Variants in KIAA0513 observed in about 807,000 individuals in gnomAD.
KIAA0513 encodes the protein KIAA0513.
Under a neutral mutation model 56.5 loss-of-function variants are expected in KIAA0513, and 39 were observed. The observed-to-expected ratio is 0.69, with a 90% CI of 0.53 to 0.90. KIAA0513 has a LOEUF of 0.90. Ranked by LOEUF, KIAA0513 falls within the 40% of genes least tolerant of loss-of-function variation. The pLI, the probability that KIAA0513 is intolerant of heterozygous loss-of-function variation, is 0.00. For missense variants in KIAA0513, 591 were observed against 535.2 expected, an observed-to-expected ratio of 1.10 and a Z score of -1.03; for synonymous variants, 268 against 215.6, an observed-to-expected ratio of 1.24 and a Z score of -2.13.
intron 1 of KIAA0513, among the ~76,000 whole-genome samples, chr16:85,028,663 G>C (rs898956164): frequency 6.6e-6 from 1 of 151,836 alleles, no homozygotes; most frequent in East Asian, 1.9e-4. Context: ...TGGGTTGCAG[G>C]TTGATTAGAC....
At chr16:85,051,822 T>G (rs1384070266) in intron 1 of KIAA0513, among the ~76,000 whole-genome samples, 2 of 141,584 alleles carry the variant, frequency 1.4e-5, no homozygotes, top group Non-Finnish European at 3.1e-5. Context: ...CCCTCTCATG[T>G]TTTTTTTTTT....
At chr16:85,028,064 C>T (rs1351302497) in intron 1 of KIAA0513, among the ~76,000 whole-genome samples, 1 of 152,086 alleles carries the variant, frequency 6.6e-6, no homozygotes, top group Non-Finnish European at 1.5e-5. Flanking sequence ...GGGTTCTCCG[C>T]GGGCTCCTCG....
At chr16:85,059,980 A>G (rs949549705) in intron 1 of KIAA0513, among the ~76,000 whole-genome samples, 1 of 152,150 alleles carries the variant, frequency 6.6e-6, no homozygotes, top group Non-Finnish European at 1.5e-5. Flanking sequence ...TTGTTTTTTG[A>G]GACTGAGTCT....
chr16:85,089,779 T>G lies in KIAA0513; in HGVS notation c.*1454T>G, dbSNP rs1278346756. The G allele has an allele frequency of 6.6e-6, 1 of 152,098 alleles. No individual in the cohort carries two copies. The highest frequency in any genetic ancestry group is 1.9e-4 in the East Asian group (1 of 5,152). The allele number at this position is 152,098 out of a possible 1,614,324, so 9.4% of individuals were successfully genotyped here. On this transcript the variant is annotated 3_prime_UTR_variant, in exon 13 of 13. Coordinates refer to ENST00000683363, the MANE Select transcript of KIAA0513 (RefSeq NM_001388359.1). This position sits in a 1 kb window ranked among gnomAD's most constrained non-coding sequence, Gnocchi z 4.2. ...CCGGCCACTGCTTGGAAGGTTTCCC[T>G]CCGGGGAATGCCTCCCTGGAATGTT...
At chr16:85,053,060 G>T (rs1439996464) in intron 1 of KIAA0513, among the ~76,000 whole-genome samples, 2 of 151,862 alleles carry the variant, frequency 1.3e-5, no homozygotes, top group Non-Finnish European at 2.9e-5. Context: ...GCGAATTTTT[G>T]TAGTTTTTAA....
At chr16:85,072,241 G>C (rs1309935385) in intron 3 of KIAA0513, among the ~76,000 whole-genome samples, 1 of 152,122 alleles carries the variant, frequency 6.6e-6, no homozygotes, top group African/African-American at 2.4e-5. Context: ...TAGCTCATTT[G>C]GATGTCGCAC....
intron 2 of KIAA0513, among the ~76,000 whole-genome samples, chr16:85,070,604 GGAGGCA>G (rs1430431072): frequency 1.3e-5 from 2 of 152,218 alleles, no homozygotes; most frequent in African/African-American, 4.8e-5. Flanking sequence ...CTTGAACCCA[GGAGGCA>G]GAGGTTGCAA....
At chr16:85,062,421 A>G (rs1296353989) in intron 1 of KIAA0513, among the ~76,000 whole-genome samples, 1 of 152,216 alleles carries the variant, frequency 6.6e-6, no homozygotes, top group African/African-American at 2.4e-5. Context: ...CATGGGGCCT[A>G]CGATGCGAAT....
At chr16:85,029,448 TCTG>T (rs951720759) in intron 1 of KIAA0513, among the ~76,000 whole-genome samples, 4 of 152,222 alleles carry the variant, frequency 2.6e-5, no homozygotes, top group African/African-American at 9.6e-5. Flanking sequence ...CCTTAAATAA[TCTG>T]CTGCCAAATC....
At chr16:85,034,815 G>A (rs977603812) in intron 1 of KIAA0513, among the ~76,000 whole-genome samples, 3 of 152,172 alleles carry the variant, frequency 2.0e-5, no homozygotes, top group Admixed American at 6.5e-5. Context: ...GGCATAGAGA[G>A]GCAGAGTAAC....
Position 85,049,098 on chromosome 16 carries a change from C to T in KIAA0513, c.-172-17802C>T, listed in dbSNP as rs1192231880. 9.8e-5 allele frequency among the ~76,000 whole-genome samples: 15 copies of T among 152,366 alleles called. No homozygotes were observed. In the South Asian group the frequency reaches 3.1e-3, roughly 32 times the overall value. ...GGCCATGTCCCCTCTGTCTTAGCTC[C>T]CTGCCAAACTGCGTGGGCAGCTACA... On this transcript the variant is annotated intron_variant, in intron 1 of 12. Transcript: ENST00000683363.
At chr16:85,049,981 A>G (rs2073226846) in intron 1 of KIAA0513, among the ~76,000 whole-genome samples, 1 of 152,230 alleles carries the variant, frequency 6.6e-6, no homozygotes, top group African/African-American at 2.4e-5. Context: ...AGTTGAATTC[A>G]GCTGTCCCGG....
At chr16:85,069,293 C>G (rs1387204958) in intron 2 of KIAA0513, among the ~76,000 whole-genome samples, 2 of 151,818 alleles carry the variant, frequency 1.3e-5, no homozygotes, top group African/African-American at 4.8e-5. Context: ...TCACCACAGC[C>G]TCAAACTTCT....
chr16:85,038,122 A>C (rs2073058577), intron 1 of KIAA0513, among the ~76,000 whole-genome samples: 1 of 151,998 alleles, frequency 6.6e-6, no homozygotes. Context: ...TCCCACCCTC[A>C]GCTCCTTCCA....
chr16:85,067,027 G>A lies in KIAA0513; in HGVS notation c.-45G>A, dbSNP rs897128337. 4 of 1,497,026 alleles carry A rather than the reference G, an allele frequency of 2.7e-6. No homozygotes were observed. Among genetic ancestry groups the A allele is most frequent in the Non-Finnish European group, 3.6e-6 (4 of 1,123,450 alleles). The allele number at this position is 1,497,026 out of a possible 1,614,324, so 92.7% of individuals were successfully genotyped here. ...CACCAGGCTGCTGGGCTCCCCTCTA[G>A]GCAGCCTCCCCTCCAGGCAGCCTCA... is the stretch of plus-strand genomic sequence containing the variant. On this transcript the variant is annotated 5_prime_UTR_variant, in exon 2 of 13. Transcript: ENST00000683363.
In KIAA0513 at chr16:85,081,574, G is replaced by A. The variant is rs2073744695; in HGVS notation, c.980+182G>A. On this transcript the variant is annotated intron_variant, in intron 9 of 12. Transcript: ENST00000683363. The surrounding 1 kb of genome is among the most constrained non-coding windows in gnomAD (Gnocchi z 4.4). ...AGGGGTCACAGCTTCATGGGTGGGG[G>A]TGCTCAGCTTGCATGAGCGCTTTCT... Among the ~76,000 whole-genome samples, 1 of 152,110 alleles carries A rather than the reference G, an allele frequency of 6.6e-6. No individual in the cohort carries two copies. The highest frequency in any genetic ancestry group is 6.5e-5 in the Admixed American group (1 of 15,276).
chr16:85,066,847 C>G, intron 1 of KIAA0513, 53 bp from the exon 2 acceptor site: 1 of 453,080 alleles, frequency 2.2e-6, no homozygotes. Flanking sequence ...TGATCTAGGT[C>G]GGGATTCTGG....
chr16:85,049,998 C>T (rs1392575509), intron 1 of KIAA0513, among the ~76,000 whole-genome samples: 1 of 152,188 alleles, frequency 6.6e-6, no homozygotes, highest in African/African-American at 2.4e-5. Context: ...CCGGAGTCAG[C>T]CGCTGTGTCC....
At position 85,081,763 on chromosome 16, in the gene KIAA0513, A is replaced by G. The variant is rs1002470939; in HGVS notation, c.980+371A>G. 6.6e-5 allele frequency among the ~76,000 whole-genome samples: 10 copies of G among 152,194 alleles called. No individual in the cohort carries two copies. Among genetic ancestry groups the G allele is most frequent in the African/African-American group, 2.2e-4 (9 of 41,444 alleles). ...AGGGTCCTGGGAGGAAGGGCTGGCCACCATCCCCGAGACTGCCCTCGAGAG... is the reference window on the plus strand; with the variant it reads ...AGGGTCCTGGGAGGAAGGGCTGGCCGCCATCCCCGAGACTGCCCTCGAGAG... On this transcript the variant is annotated intron_variant, in intron 9 of 12. Coordinates refer to ENST00000683363, the MANE Select transcript of KIAA0513 (RefSeq NM_001388359.1). This position sits in a 1 kb window ranked among gnomAD's most constrained non-coding sequence, Gnocchi z 4.4.
Sources: gnomAD v4.1 joint callset for allele counts (sites outside exome capture counted in the v4.1 genomes callset) on GRCh38, gnomAD v4.1.1 for gene constraint, Gnocchi (gnomAD v3.1) non-coding constraint, MANE v1.5 for transcripts, NCBI Gene and HGNC (gene_info 2026-07-23, HGNC 2026-07-21) for gene names.